The following GBX1 variants were observed in gnomAD, a reference collection of about 807,000 sequenced individuals.
GBX1 encodes homeobox protein GBX-1.
Under a neutral mutation model 22.9 loss-of-function variants are expected in GBX1, and 9 were observed. The observed-to-expected ratio is 0.39, with a 90% CI of 0.24 to 0.69. GBX1 has a LOEUF of 0.69. Ranked by LOEUF, GBX1 falls within the 30% of genes least tolerant of loss-of-function variation. GBX1 has a pLI of 0.43. For missense variants in GBX1, 494 were observed against 509.2 expected (o/e 0.97, Z 0.29); for synonymous variants, 203 against 227.3 (o/e 0.89, Z 0.96).
intron 1 of GBX1, among the ~76,000 whole-genome samples, chr7:151,164,038 C>A (rs571272639): frequency 1.0e-4 from 15 of 150,502 alleles, no homozygotes; most frequent in African/African-American, 3.5e-4. Context: ...TAACTCTCAA[C>A]AAATTAAAAA....
intron 1 of GBX1, among the ~76,000 whole-genome samples, chr7:151,163,127 C>T (rs977937109): frequency 1.5e-4 from 23 of 152,036 alleles, no homozygotes; most frequent in Non-Finnish European, 2.4e-4. Flanking sequence ...TCCACATTCA[C>T]GGCTCTTTTC....
chr7:151,153,624 C>T (rs927188828), intron 1 of GBX1, among the ~76,000 whole-genome samples: 6 of 151,876 alleles, frequency 4.0e-5, no homozygotes, highest in Admixed American at 3.9e-4. Context: ...CATAGCTCAC[C>T]GCAGCCTTGA....
intron 1 of GBX1, among the ~76,000 whole-genome samples, chr7:151,156,444 A>G (rs1695867204): frequency 6.7e-6 from 1 of 148,674 alleles, no homozygotes; most frequent in Non-Finnish European, 1.5e-5. Context: ...AAAGAAAAAG[A>G]TCTCATCCCT....
rs1801261523 is a variant in GBX1 at position 151,167,023 on chromosome 7, GAA to G, written c.524_525del (p.Phe175SerfsTer14). On this transcript the variant is annotated frameshift_variant, in exon 1 of 2. Transcript: ENST00000297537. LOFTEE classifies it high-confidence loss of function. This position sits in a 1 kb window ranked among gnomAD's most constrained non-coding sequence, Gnocchi z 5.9. ...CCCTAGCACTTACCGGGCAGACTTG[GAA>G]AAGTCTCTGAGAAGTGCGGAGGCGG... ...PPPPPHFSET[F>X]PSLPAEGKVY... 1.2e-6 allele frequency: 2 copies of G among 1,604,056 alleles called. No individual in the cohort carries two copies. Among genetic ancestry groups the G allele is most frequent in the Non-Finnish European group, 1.7e-6 (2 of 1,176,736 alleles).
At chr7:151,163,870 G>A (rs995825352) in intron 1 of GBX1, among the ~76,000 whole-genome samples, 1 of 151,994 alleles carries the variant, frequency 6.6e-6, no homozygotes, top group African/African-American at 2.4e-5. Flanking sequence ...CCAAACTTGT[G>A]ATTCTTTTCA....
Position 151,167,013 on chromosome 7 carries a change from G to A in GBX1, c.536C>T (p.Pro179Leu), listed in dbSNP as rs369810012. Residue 179 changes from proline to leucine, a missense_variant and splice_region_variant, in exon 1 of 2, where the codon CCC (proline) becomes CTC (leucine). Transcript: ENST00000297537. This position sits in a 1 kb window ranked among gnomAD's most constrained non-coding sequence, Gnocchi z 5.9. The part of the protein sequence containing the change: ...PHFSETFPSL[P>L]AEGKVYSSDE... Reference sequence around the variant, plus strand: ...CCCTGGTCGGCCCTAGCACTTACCGGGCAGACTTGGAAAAGTCTCTGAGAA... The same window carrying A: ...CCCTGGTCGGCCCTAGCACTTACCGAGCAGACTTGGAAAAGTCTCTGAGAA... 21 of 1,604,158 alleles carry A rather than the reference G, an allele frequency of 1.3e-5. No individual in the cohort carries two copies. The highest frequency in any genetic ancestry group is 1.5e-5 in the Non-Finnish European group (18 of 1,176,830).
chr7:151,152,240 T>C (rs1305891467), intron 1 of GBX1, among the ~76,000 whole-genome samples: 1 of 152,184 alleles, frequency 6.6e-6, no homozygotes, highest in East Asian at 1.9e-4. Flanking sequence ...TTTCCCTCCC[T>C]GTCCTTTCCT....
Position 151,148,799 on chromosome 7 carries a change from G to A in GBX1, c.882C>T (p.Ile294=), listed in dbSNP as rs201417319. ...KYLSLTERSQ[I]AHALKLSEVQ... The stretch of plus-strand genomic sequence containing the variant: ...CCTCACTGAGCTTGAGGGCGTGGGC[G>A]ATCTGAGAGCGCTCTGTCAAGCTCA... Residue 294 remains isoleucine (I), a synonymous_variant, in exon 2 of 2, where the codon ATC becomes ATT. Transcript: ENST00000297537. This position sits in a 1 kb window ranked among gnomAD's most constrained non-coding sequence, Gnocchi z 5.1. 13 of 1,614,052 alleles carry A rather than the reference G, an allele frequency of 8.1e-6. No individual in the cohort carries two copies. The highest frequency in any genetic ancestry group is 1.0e-5 in the Non-Finnish European group (12 of 1,180,038).
At chr7:151,160,120 G>A (rs1801175106) in intron 1 of GBX1, among the ~76,000 whole-genome samples, 1 of 152,102 alleles carries the variant, frequency 6.6e-6, no homozygotes. Context: ...TATCCTTATA[G>A]ATAAAAACAG....
At chr7:151,166,294 C>G (rs1456976441) in intron 1 of GBX1, among the ~76,000 whole-genome samples, 1 of 152,122 alleles carries the variant, frequency 6.6e-6, no homozygotes, top group African/African-American at 2.4e-5. Context: ...GTTCTGCACC[C>G]TAGATCTTTG....
chr7:151,163,710 T>G (rs915240120), intron 1 of GBX1, among the ~76,000 whole-genome samples: 1 of 152,230 alleles, frequency 6.6e-6, no homozygotes, highest in Non-Finnish European at 1.5e-5. Flanking sequence ...TAATGACATA[T>G]ATGGCTTGCA....
intron 1 of GBX1, among the ~76,000 whole-genome samples, chr7:151,159,352 G>A (rs1251532875): frequency 2.0e-5 from 3 of 152,104 alleles, no homozygotes. Context: ...ACAGCCATGA[G>A]CCACTGCACC....
chr7:151,162,390 A>C (rs757646812), intron 1 of GBX1, among the ~76,000 whole-genome samples: 32 of 152,232 alleles, frequency 2.1e-4, no homozygotes, highest in Non-Finnish European at 3.8e-4. Context: ...AGCTACATTC[A>C]GGTGCTTAGC....
At chr7:151,152,767 C>T (rs1801094659) in intron 1 of GBX1, among the ~76,000 whole-genome samples, 1 of 152,162 alleles carries the variant, frequency 6.6e-6, no homozygotes. Flanking sequence ...AAAATGAAGC[C>T]CACATGAGCC....
intron 1 of GBX1, among the ~76,000 whole-genome samples, chr7:151,154,148 T>C (rs541441235): frequency 1.1e-4 from 16 of 152,188 alleles, no homozygotes; most frequent in East Asian, 3.9e-4. Context: ...TGAGGCAGGA[T>C]TGCAGTGAGC....
At position 151,148,825 on chromosome 7, in the gene GBX1, G is replaced by A. The variant is rs200785319; in HGVS notation, c.856C>T (p.Leu286=). 37 of 1,614,154 alleles carry A rather than the reference G, an allele frequency of 2.3e-5. No individual in the cohort carries two copies. The Admixed American group carries it at 6.0e-4, about 26-fold the overall frequency. Reference sequence around the variant, plus strand: ...ATCTGAGAGCGCTCTGTCAAGCTCAGGTATTTCTTGCAATGAAATTCCTTC... The same window carrying A: ...ATCTGAGAGCGCTCTGTCAAGCTCAAGTATTTCTTGCAATGAAATTCCTTC... ...LEKEFHCKKY[L]SLTERSQIAH... Residue 286 remains leucine (L), a synonymous_variant, in exon 2 of 2, where the codon CTG becomes TTG. Transcript: ENST00000297537. This position sits in a 1 kb window ranked among gnomAD's most constrained non-coding sequence, Gnocchi z 5.1.
chr7:151,158,046 A>G (rs542691593), intron 1 of GBX1, among the ~76,000 whole-genome samples: 3 of 152,324 alleles, frequency 2.0e-5, no homozygotes, highest in African/African-American at 4.8e-5. Flanking sequence ...TCACAACACT[A>G]CTTACATTTC....
At chr7:151,164,219 C>A (rs970128803) in intron 1 of GBX1, among the ~76,000 whole-genome samples, 1 of 152,224 alleles carries the variant, frequency 6.6e-6, no homozygotes, top group Non-Finnish European at 1.5e-5. Flanking sequence ...AATTTCTCCT[C>A]TGTCATTTTA....
rs76367364 is a variant in GBX1 at position 151,155,057 on chromosome 7, T to C, written c.539-5915A>G. The stretch of plus-strand genomic sequence containing the variant: ...CCCATTACTGCAGCTCCTGCTGTTA[T>C]CACCGTAGGAAATCAATTATCTTGA... On this transcript the variant is annotated intron_variant, in intron 1 of 1. Coordinates refer to ENST00000297537, the MANE Select transcript of GBX1 (RefSeq NM_001098834.3). Among the ~76,000 whole-genome samples, 1,148 of 152,330 alleles carry C rather than the reference T, an allele frequency of 7.5e-3. 11 individuals are homozygous for C. Among genetic ancestry groups the C allele is most frequent in the Non-Finnish European group, 0.013 (896 of 68,028 alleles).
Sources: gnomAD v4.1 joint callset for allele counts (sites outside exome capture counted in the v4.1 genomes callset) on GRCh38, gnomAD v4.1.1 for gene constraint, Gnocchi (gnomAD v3.1) non-coding constraint, MANE v1.5 for transcripts, NCBI Gene and HGNC (gene_info 2026-07-23, HGNC 2026-07-21) for gene names.